Variants in ZNF385D observed in about 807,000 individuals in gnomAD.
The protein encoded by ZNF385D is zinc finger protein 385D, also known as zinc finger protein 659.
Under a neutral mutation model 35.8 loss-of-function variants are expected in ZNF385D, and 15 were observed. The ratio of observed to expected loss-of-function variants is 0.42; its 90% CI spans 0.28 to 0.64. The LOEUF is 0.64. Among genes scored for constraint, ZNF385D ranks in the 30% least tolerant of loss-of-function variants. ZNF385D has a pLI of 0.23. For synonymous variants in ZNF385D, 212 were observed against 186.8 expected (o/e 1.13, Z -1.10); for missense variants, 474 against 494.6 (o/e 0.96, Z 0.39).
chr3:21,906,533 T>C (rs367774327), intron 3 of ZNF385D, among the ~76,000 whole-genome samples: 7 of 152,244 alleles, frequency 4.6e-5, no homozygotes, highest in African/African-American at 1.7e-4. Flanking sequence ...TTGCCTCTGC[T>C]TCCTTTCATC....
chr3:21,855,906 G>C (rs1696686835), intron 3 of ZNF385D, among the ~76,000 whole-genome samples: 2 of 151,960 alleles, frequency 1.3e-5, no homozygotes, highest in South Asian at 2.1e-4. Flanking sequence ...GGTTTTTAGA[G>C]GTGGTAGCTA....
chr3:21,796,741 C>T (rs1371364220), intron 3 of ZNF385D, among the ~76,000 whole-genome samples: 1 of 152,120 alleles, frequency 6.6e-6, no homozygotes, highest in African/African-American at 2.4e-5. Flanking sequence ...GAAAATGAGG[C>T]TCAAAGAGTG....
At chr3:22,039,990 G>A (rs778508243) in intron 3 of ZNF385D, among the ~76,000 whole-genome samples, 11 of 152,290 alleles carry the variant, frequency 7.2e-5, no homozygotes, top group South Asian at 4.1e-4. Context: ...TCATGAGGCT[G>A]AATATTTGGC....
At chr3:22,097,546 A>T (rs1302241447) in intron 3 of ZNF385D, among the ~76,000 whole-genome samples, 1 of 152,112 alleles carries the variant, frequency 6.6e-6, no homozygotes, top group Non-Finnish European at 1.5e-5. Flanking sequence ...ATCTTGCTAA[A>T]GAGTTTTCCA....
In ZNF385D at chr3:22,114,551, A is replaced by T. The variant is rs1702713228; in HGVS notation, c.325+54266T>A. 6.6e-5 allele frequency among the ~76,000 whole-genome samples: 10 copies of T among 152,078 alleles called. No individual in the cohort carries two copies. In the South Asian group the frequency reaches 2.1e-3, roughly 31 times the overall value. ...TATTAGGGAAGAGAGACAGGAAATGAAAAGAAGCCAGTGGAAGGTACATTA... is the reference window on the plus strand; with the variant it reads ...TATTAGGGAAGAGAGACAGGAAATGTAAAGAAGCCAGTGGAAGGTACATTA... On this transcript the variant is annotated intron_variant, in intron 3 of 5. Coordinates refer to the ZNF385D transcript ENST00000494108.
intron 2 of ZNF385D, among the ~76,000 whole-genome samples, chr3:22,316,928 G>T (rs543722630): frequency 1.5e-3 from 225 of 152,048 alleles, no homozygotes; most frequent in African/African-American, 4.8e-3. Flanking sequence ...CCAAGTGCAG[G>T]AAGGGGCTCA....
intron 2 of ZNF385D, among the ~76,000 whole-genome samples, chr3:21,629,605 A>T (rs1430812741): frequency 6.6e-6 from 1 of 152,046 alleles, no homozygotes; most frequent in Non-Finnish European, 1.5e-5. Context: ...TTCTTTTTTT[A>T]ACCCAATCAG....
chr3:21,815,839 C>G (rs1231175773), intron 3 of ZNF385D, among the ~76,000 whole-genome samples: 1 of 152,094 alleles, frequency 6.6e-6, no homozygotes. Flanking sequence ...ATGAGGCCAG[C>G]ATCATTCTGA....
At chr3:21,910,918 A>G (rs1699931669) in intron 3 of ZNF385D, among the ~76,000 whole-genome samples, 1 of 151,916 alleles carries the variant, frequency 6.6e-6, no homozygotes, top group South Asian at 2.1e-4. Context: ...TTTTATATAG[A>G]ATTAGTTGAA....
intron 3 of ZNF385D, among the ~76,000 whole-genome samples, chr3:21,873,793 A>G (rs1469767921): frequency 6.6e-6 from 1 of 152,114 alleles, no homozygotes; most frequent in African/African-American, 2.4e-5. Flanking sequence ...TCCATCTATG[A>G]TGTCACATAT....
Position 21,465,174 on chromosome 3 carries a change from T to C in ZNF385D, c.440-27971A>G, listed in dbSNP as rs770238380. Among the ~76,000 whole-genome samples, 14 of 152,288 alleles carry C rather than the reference T, an allele frequency of 9.2e-5. No individual in the cohort carries two copies. Among genetic ancestry groups the C allele is most frequent in the Middle Eastern group, 3.4e-3 (1 of 294 alleles). ...TGCACGTAAGTTTTCACTGTGCCCT[T>C]GAACACAGTGAAAATTTACATATTT... On this transcript the variant is annotated intron_variant, in intron 4 of 7. Transcript: ENST00000281523. The surrounding 1 kb of genome is among the most constrained non-coding windows in gnomAD (Gnocchi z 4.2).
intron 2 of ZNF385D, among the ~76,000 whole-genome samples, chr3:21,653,515 A>C (rs1169375434): frequency 6.6e-6 from 1 of 152,136 alleles, no homozygotes; most frequent in Non-Finnish European, 1.5e-5. Context: ...ACATATACAT[A>C]GGTATATATA....
intron 3 of ZNF385D, among the ~76,000 whole-genome samples, chr3:21,945,973 A>G (rs1054347653): frequency 1.3e-5 from 2 of 152,208 alleles, no homozygotes; most frequent in African/African-American, 4.8e-5. Context: ...AGTAATATGA[A>G]CTTAAGCTGA....
intron 3 of ZNF385D, among the ~76,000 whole-genome samples, chr3:21,868,066 T>A (rs1697468566): frequency 6.6e-6 from 1 of 152,108 alleles, no homozygotes; most frequent in African/African-American, 2.4e-5. Context: ...ATGTGAAGAT[T>A]TAGTATTTGC....
At chr3:21,566,642 C>T (rs1220281220) in intron 2 of ZNF385D, among the ~76,000 whole-genome samples, 2 of 151,994 alleles carry the variant, frequency 1.3e-5, no homozygotes, top group South Asian at 4.1e-4. Flanking sequence ...TATAGGATCA[C>T]CTCTCTCCTT....
At chr3:22,071,587 G>T (rs1242702402) in intron 3 of ZNF385D, among the ~76,000 whole-genome samples, 1 of 152,076 alleles carries the variant, frequency 6.6e-6, no homozygotes, top group African/African-American at 2.4e-5. Flanking sequence ...CACTTTCCCT[G>T]TAATATTGCA....
chr3:22,086,582 C>A (rs1048034722), intron 3 of ZNF385D, among the ~76,000 whole-genome samples: 10 of 152,118 alleles, frequency 6.6e-5, no homozygotes, highest in Admixed American at 2.0e-4. Context: ...ATTCCATGCT[C>A]ATAGATAGGA....
At chr3:22,309,285 G>C (rs1045534127) in intron 2 of ZNF385D, among the ~76,000 whole-genome samples, 1 of 85,390 alleles carries the variant, frequency 1.2e-5, no homozygotes, top group Non-Finnish European at 2.4e-5. Flanking sequence ...GTTTTTACTT[G>C]TAATTATTTA....
At chr3:21,718,277 C>T (rs76490958) in intron 1 of ZNF385D, among the ~76,000 whole-genome samples, 4,560 of 152,290 alleles carry the variant, frequency 0.03, 220 homozygotes, top group African/African-American at 0.1. Context: ...CCTACTCAGA[C>T]TCCACTCTGC....
Sources: allele counts gnomAD v4.1 joint callset (sites outside exome capture counted in the v4.1 genomes callset), GRCh38; gene constraint gnomAD v4.1.1; non-coding constraint Gnocchi (gnomAD v3.1); transcripts MANE v1.5; gene names NCBI Gene and HGNC (gene_info 2026-07-23, HGNC 2026-07-21).